RBM19: variants seen among roughly 807,000 people sequenced by gnomAD.
RBM19 encodes the protein probable RNA-binding protein 19.
RBM19 carries 94 observed loss-of-function variants against 116.8 expected under a neutral mutation model. The ratio of observed to expected loss-of-function variants is 0.80; its 90% CI spans 0.68 to 0.95. The LOEUF is 0.95. RBM19 is among the 40% of genes least tolerant of loss of function. The probability of loss-of-function intolerance (pLI) is 0.00; values close to 1 mark genes in which losing one functional copy is unlikely to be tolerated. For synonymous variants in RBM19, 475 were observed against 494.1 expected, an observed-to-expected ratio of 0.96 and a Z score of 0.51; for missense variants, 1,161 against 1,220.7, an observed-to-expected ratio of 0.95 and a Z score of 0.73.
At chr12:113,900,182 A>C (rs1199334554) in intron 21 of RBM19, among the ~76,000 whole-genome samples, 2 of 152,222 alleles carry the variant, frequency 1.3e-5, no homozygotes, top group Admixed American at 1.3e-4. Context: ...AAACAACGGC[A>C]AGAAAACCCT....
intron 21 of RBM19, among the ~76,000 whole-genome samples, chr12:113,905,275 C>G (rs1881964206): frequency 6.6e-6 from 1 of 152,122 alleles, no homozygotes; most frequent in Non-Finnish European, 1.5e-5. Flanking sequence ...ACCCGGGGAG[C>G]AGATTAGAGT....
chr12:113,956,924 A>T (rs1397148307), intron 6 of RBM19, among the ~76,000 whole-genome samples: 1 of 152,192 alleles, frequency 6.6e-6, no homozygotes, highest in Non-Finnish European at 1.5e-5. Flanking sequence ...CACGGCAGGC[A>T]TGGTGCCTAG....
intron 21 of RBM19, among the ~76,000 whole-genome samples, chr12:113,892,875 T>G (rs1881053090): frequency 6.6e-6 from 1 of 152,192 alleles, no homozygotes; most frequent in Non-Finnish European, 1.5e-5. Flanking sequence ...GCAGGTAATT[T>G]GCCAAATGCA....
chr12:113,895,628 A>C (rs951274067), intron 21 of RBM19, among the ~76,000 whole-genome samples: 2 of 152,218 alleles, frequency 1.3e-5, no homozygotes, highest in Non-Finnish European at 2.9e-5. Context: ...GCAAAGACAA[A>C]GATCTAGAAG....
At chr12:113,894,237 A>G (rs1881162368) in intron 21 of RBM19, among the ~76,000 whole-genome samples, 1 of 152,226 alleles carries the variant, frequency 6.6e-6, no homozygotes, top group South Asian at 2.1e-4. Context: ...CCTGCATGCC[A>G]ACTTTGCATC....
chr12:113,838,631 C>T (rs539978318), intron 23 of RBM19, among the ~76,000 whole-genome samples: 12 of 152,302 alleles, frequency 7.9e-5, no homozygotes, highest in South Asian at 2.1e-4. Context: ...CTGCAGGACT[C>T]GTTCCCATGA....
chr12:113,850,080 G>A (rs1046896366), intron 22 of RBM19, among the ~76,000 whole-genome samples: 7 of 152,220 alleles, frequency 4.6e-5, no homozygotes, highest in African/African-American at 1.4e-4. Context: ...TAAGGGAGAT[G>A]ACAGTTCTGG....
chr12:113,962,474 A>G, intron 1 of RBM19, 60 bp from the exon 2 acceptor site: 1 of 1,518,608 alleles, frequency 6.6e-7, no homozygotes, highest in Non-Finnish European at 9.1e-7. Flanking sequence ...AAGGGGACAA[A>G]ATGGGCTGGA....
chr12:113,895,794 A>T (rs1881278278), intron 21 of RBM19, among the ~76,000 whole-genome samples: 1 of 151,182 alleles, frequency 6.6e-6, no homozygotes. Flanking sequence ...TTTAAAAAAG[A>T]AAAAATCTTA....
At chr12:113,840,260 C>T (rs1200407293) in intron 23 of RBM19, among the ~76,000 whole-genome samples, 1 of 152,182 alleles carries the variant, frequency 6.6e-6, no homozygotes, top group Non-Finnish European at 1.5e-5. Flanking sequence ...TCTTTGGCTC[C>T]AAACTCTCAG....
rs565394048 is a variant in RBM19 at position 113,866,960 on chromosome 12, C to T, written c.2559-8064G>A. Among the ~76,000 whole-genome samples, 8 of 152,354 alleles carry T rather than the reference C, an allele frequency of 5.3e-5. No homozygotes were observed. In the South Asian group the frequency reaches 8.3e-4, roughly 16 times the overall value. ...GGGCTGCCTTGGGTACCACGTCCTA[C>T]ATTTGGGCTCCATTCTGATTTTGGT... is the stretch of plus-strand genomic sequence containing the variant. On this transcript the variant is annotated intron_variant, in intron 21 of 23. Transcript: ENST00000261741.
In RBM19 at chr12:113,851,092, TC is replaced by T. The variant is rs1441975527; in HGVS notation, c.2665-6305del. Reference sequence around the variant, plus strand: ...CAAACCTCACTAGCTGCTTCCATCCTCACAGGGTAGCTGTCTGCTAGGCAGG... The same window carrying T: ...CAAACCTCACTAGCTGCTTCCATCCTACAGGGTAGCTGTCTGCTAGGCAGG... On this transcript the variant is annotated intron_variant, in intron 22 of 23. Coordinates refer to ENST00000261741, the MANE Select transcript of RBM19 (RefSeq NM_016196.4). Among the ~76,000 whole-genome samples, 16 of 152,332 alleles carry T rather than the reference TC, an allele frequency of 1.1e-4. No homozygotes were observed. The South Asian group carries it at 2.7e-3, about 26-fold the overall frequency.
chr12:113,830,583 G>C lies in RBM19; in HGVS notation c.2786-7262C>G, dbSNP rs1441941658. ...GAGCTAGGGCTGCGGGGCGGGGGGGGGGGGGGTGGGCTATGCCTGGGGGCT... is the reference window on the plus strand; with the variant it reads ...GAGCTAGGGCTGCGGGGCGGGGGGGCGGGGGGTGGGCTATGCCTGGGGGCT... On this transcript the variant is annotated intron_variant, in intron 23 of 23. Coordinates refer to ENST00000261741, the MANE Select transcript of RBM19 (RefSeq NM_016196.4). Among the ~76,000 whole-genome samples, 13 of 101,000 alleles carry C rather than the reference G, an allele frequency of 1.3e-4. 1 individual carries two copies. Among genetic ancestry groups the C allele is most frequent in the East Asian group, 6.9e-4 (2 of 2,904 alleles). The allele number at this position is 101,000 out of a possible 152,430, so 66.3% of individuals were successfully genotyped here.
chr12:113,922,832 C>G (rs1321352246), intron 18 of RBM19, among the ~76,000 whole-genome samples: 2 of 152,184 alleles, frequency 1.3e-5, no homozygotes, highest in Middle Eastern at 6.8e-3. Context: ...CAGAGGTAAC[C>G]AAGTTAAAAT....
At chr12:113,842,603 C>T (rs1876589409) in intron 23 of RBM19, among the ~76,000 whole-genome samples, 1 of 152,224 alleles carries the variant, frequency 6.6e-6, no homozygotes, top group Non-Finnish European at 1.5e-5. Context: ...GAGAGATGAG[C>T]ACGACACAGC....
intron 20 of RBM19, among the ~76,000 whole-genome samples, chr12:113,918,079 C>T (rs1882880334): frequency 6.6e-6 from 1 of 152,002 alleles, no homozygotes; most frequent in Admixed American, 6.5e-5. Context: ...TTTATTTATC[C>T]CAAGATGAGT....
At position 113,915,138 on chromosome 12, in the gene RBM19, GC is replaced by G. The variant is rs1222867059; in HGVS notation, c.2442-54del. ...GTTATTCGGAGCTTCAGCAGCTCCTGCCCAACATTGACTCCACTACGCCTCC... is the reference window on the plus strand; with the variant it reads ...GTTATTCGGAGCTTCAGCAGCTCCTGCCAACATTGACTCCACTACGCCTCC... On this transcript the variant is annotated intron_variant, in intron 20 of 23. Transcript: ENST00000261741. 4 of 1,365,308 alleles carry G rather than the reference GC, an allele frequency of 2.9e-6. No individual in the cohort carries two copies. In the East Asian group the frequency reaches 9.2e-5, roughly 31 times the overall value. 84.6% of individuals were successfully genotyped at this position (1,365,308 alleles called of 1,614,324 possible).
In RBM19 at chr12:113,898,839, C is replaced by T. The variant is rs1881506049; in HGVS notation, c.2558+16130G>A. ...TCTGAATTTAGTTTCTGCAAAACGA[C>T]ATCATCCATCACGCTAAAATAATGT... On this transcript the variant is annotated intron_variant, in intron 21 of 23. Coordinates refer to ENST00000261741, the MANE Select transcript of RBM19 (RefSeq NM_016196.4). The surrounding 1 kb of genome is among the most constrained non-coding windows in gnomAD (Gnocchi z 4.3). 6.6e-6 allele frequency among the ~76,000 whole-genome samples: 1 copy of T among 152,202 alleles called. No homozygotes were observed. Among genetic ancestry groups the T allele is most frequent in the African/African-American group, 2.4e-5 (1 of 41,440 alleles).
At chr12:113,834,622 C>A (rs1324375962) in intron 23 of RBM19, among the ~76,000 whole-genome samples, 6 of 152,190 alleles carry the variant, frequency 3.9e-5, no homozygotes, top group Non-Finnish European at 7.3e-5. Context: ...TCCAATACAA[C>A]TTTATTTATA....
Sources: gnomAD v4.1 joint callset for allele counts (sites outside exome capture counted in the v4.1 genomes callset) on GRCh38, gnomAD v4.1.1 for gene constraint, Gnocchi (gnomAD v3.1) non-coding constraint, MANE v1.5 for transcripts, NCBI Gene and HGNC (gene_info 2026-07-23, HGNC 2026-07-21) for gene names.